Variants in PDS5A observed in about 807,000 individuals in gnomAD.
PDS5A encodes the protein sister chromatid cohesion protein PDS5 homolog A.
A neutral mutation model predicts 167.1 loss-of-function variants in PDS5A; 42 were observed. The observed-to-expected ratio is 0.25, with a 90% CI of 0.20 to 0.33. PDS5A has a LOEUF of 0.33. PDS5A is among the 10% of genes least tolerant of loss of function. The pLI is 1.00. For missense variants in PDS5A, 1,033 were observed against 1,605.9 expected (o/e 0.64, Z 6.10); for synonymous variants, 553 against 554.6 (o/e 1.00, Z 0.04).
intron 2 of PDS5A, among the ~76,000 whole-genome samples, chr4:39,962,676 A>C (rs948875137): frequency 5.9e-5 from 9 of 151,926 alleles, no homozygotes; most frequent in African/African-American, 2.2e-4. Flanking sequence ...TGGTGACACA[A>C]GCCTGTAATC....
At position 39,824,739 on chromosome 4, in the gene PDS5A, T is replaced by G. The variant is rs1715129691; in HGVS notation, c.*746A>C. 1 of 152,582 alleles carries G rather than the reference T, an allele frequency of 6.6e-6. No individual in the cohort carries two copies. Among genetic ancestry groups the G allele is most frequent in the African/African-American group, 2.4e-5 (1 of 41,446 alleles). The allele number at this position is 152,582 out of a possible 1,614,324, so 9.5% of individuals were successfully genotyped here. On this transcript the variant is annotated 3_prime_UTR_variant, in exon 33 of 33. Coordinates refer to ENST00000303538, the MANE Select transcript of PDS5A (RefSeq NM_001100399.2). ...ATGCTTTATGAAACAAACAACAATA[T>G]GTACATTTATTGCAAATTATATTAA...
rs1158287221 is a variant in PDS5A at position 39,829,950 on chromosome 4, C to CAAAAAAAAAAAAAA, written c.4011-4476_4011-4463dup. 5.1e-4 allele frequency among the ~76,000 whole-genome samples: 34 copies of CAAAAAAAAAAAAAA among 67,304 alleles called. 3 individuals carry two copies. Among genetic ancestry groups the CAAAAAAAAAAAAAA allele is most frequent in the African/African-American group, 2.1e-3 (25 of 11,920 alleles). 44.2% of individuals were successfully genotyped at this position (67,304 alleles called of 152,430 possible). On this transcript the variant is annotated intron_variant, in intron 32 of 32. Coordinates refer to ENST00000303538, the MANE Select transcript of PDS5A (RefSeq NM_001100399.2). Reference sequence around the variant, plus strand: ...TGGGCGACAGACTGAGACTCCAACTCAAAAAAAAAAAAAAAAAAAAAAAAA... The same window carrying CAAAAAAAAAAAAAA: ...TGGGCGACAGACTGAGACTCCAACTCAAAAAAAAAAAAAAAAAAAAAAAAAAAAAAAAAAAAAAA...
chr4:39,929,523 A>C lies in PDS5A; in HGVS notation c.139-1359T>G, dbSNP rs923975708. ...TGTGAGTTAATACTTAATAAACTATATATATATATATATATATATATATAT... is the reference window on the plus strand; with the variant it reads ...TGTGAGTTAATACTTAATAAACTATCTATATATATATATATATATATATAT... On this transcript the variant is annotated intron_variant, in intron 2 of 32. Transcript: ENST00000303538. Among the ~76,000 whole-genome samples, 123 of 35,126 alleles carry C rather than the reference A, an allele frequency of 3.5e-3. 3 individuals carry two copies. The highest frequency in any genetic ancestry group is 6.7e-3 in the African/African-American group (107 of 16,020). 23.0% of individuals were successfully genotyped at this position (35,126 alleles called of 152,430 possible).
At chr4:39,874,596 A>G (rs1324784336) in intron 19 of PDS5A, among the ~76,000 whole-genome samples, 184 bp from the exon 20 acceptor site, 2 of 152,214 alleles carry the variant, frequency 1.3e-5, no homozygotes, top group African/African-American at 4.8e-5. Context: ...ACCAAGAAAT[A>G]CAATGCCTCA....
chr4:39,860,689 A>C (rs1198862203), intron 26 of PDS5A, among the ~76,000 whole-genome samples: 1 of 152,226 alleles, frequency 6.6e-6, no homozygotes, highest in Non-Finnish European at 1.5e-5. Context: ...TTTTCAGCAA[A>C]ATGAACAGAA....
At chr4:39,885,681 G>T (rs901411143) in intron 17 of PDS5A, among the ~76,000 whole-genome samples, 2 of 151,958 alleles carry the variant, frequency 1.3e-5, no homozygotes, top group African/African-American at 4.8e-5. Flanking sequence ...TTTGGAGGCC[G>T]AAGTGGGTGG....
At chr4:39,882,470 T>A (rs1721013051) in intron 17 of PDS5A, among the ~76,000 whole-genome samples, 1 of 152,224 alleles carries the variant, frequency 6.6e-6, no homozygotes, top group African/African-American at 2.4e-5. Context: ...TTTGAGAAAA[T>A]AATTCCAAAT....
chr4:39,963,102 G>T (rs148802469), intron 2 of PDS5A, among the ~76,000 whole-genome samples: 6 of 151,174 alleles, frequency 4.0e-5, no homozygotes, highest in African/African-American at 1.5e-4. Context: ...GTGGATCACT[G>T]GAAGTCAGGA....
chr4:39,886,998 T>TA (rs1721534100), intron 17 of PDS5A, among the ~76,000 whole-genome samples: 1 of 152,156 alleles, frequency 6.6e-6, no homozygotes, highest in African/African-American at 2.4e-5. Context: ...TGAATTCATT[T>TA]ATCTGTTCAA....
intron 2 of PDS5A, among the ~76,000 whole-genome samples, chr4:39,957,619 A>C (rs1729052324): frequency 6.6e-6 from 1 of 151,860 alleles, no homozygotes; most frequent in African/African-American, 2.4e-5. Context: ...CCCCATCTCT[A>C]CTAAAAGTAC....
intron 26 of PDS5A, among the ~76,000 whole-genome samples, chr4:39,850,271 C>CAA (rs1553889621): frequency 2.1e-5 from 2 of 94,830 alleles, no homozygotes; most frequent in African/African-American, 3.8e-5. Flanking sequence ...GACTCTCTCT[C>CAA]AAAAAAAAAA....
chr4:39,943,495 C>A (rs1727424612), intron 2 of PDS5A, among the ~76,000 whole-genome samples: 1 of 151,660 alleles, frequency 6.6e-6, no homozygotes, highest in Admixed American at 6.6e-5. Flanking sequence ...TTTTAAAGAT[C>A]CATTCTGGCC....
chr4:39,933,989 C>T (rs552714577), intron 2 of PDS5A, among the ~76,000 whole-genome samples: 16 of 152,262 alleles, frequency 1.1e-4, no homozygotes, highest in African/African-American at 3.6e-4. Context: ...TGTGTGCGGG[C>T]AGGCACATAC....
At chr4:39,915,401 C>T (rs937973166) in intron 8 of PDS5A, among the ~76,000 whole-genome samples, 17 of 147,470 alleles carry the variant, frequency 1.2e-4, no homozygotes, top group African/African-American at 4.0e-4. Context: ...GCTCTATCAC[C>T]CAGGCTGGAG....
intron 27 of PDS5A, 57 bp from the exon 28 acceptor site, chr4:39,849,027 C>T (rs989976921): frequency 5.2e-5 from 61 of 1,166,224 alleles, no homozygotes; most frequent in Non-Finnish European, 7.3e-5. Context: ...ATCATAATTA[C>T]CAATTCCACT....
intron 23 of PDS5A, among the ~76,000 whole-genome samples, chr4:39,866,228 C>T (rs1362002762): frequency 6.6e-6 from 1 of 152,190 alleles, no homozygotes; most frequent in Non-Finnish European, 1.5e-5. Flanking sequence ...GATTCTCCTG[C>T]CTCAGCCTCC....
In PDS5A at chr4:39,874,333, C is replaced by T. The variant is rs375949176; in HGVS notation, c.2233G>A (p.Ala745Thr). The T allele has an allele frequency of 6.1e-5, 99 of 1,612,730 alleles. No homozygotes were observed. The highest frequency in any genetic ancestry group is 2.3e-5 in the Non-Finnish European group (27 of 1,178,990). ...TGGACTTCTTTATTTGTGAATATGG[C>T]GTGTATACAGTGCACAGCCTGTTTT... ...QAKQAVHCIH[A>T]IFTNKEVQLA... The change falls in exon 20 of 33, where the codon GCC becomes ACC. Residue 745 changes from alanine (A) to threonine (T), a missense_variant. Around this residue, in one of 4 missense-constraint regions of PDS5A, gnomAD observed 367 missense variants for 686.7 expected, o/e 0.53. Transcript: ENST00000303538.
Position 39,898,509 on chromosome 4 carries a change from C to G in PDS5A, c.1650G>C (p.Gly550=). ...MTIAKNLPDP[G]KAQDFVKKFN... ...ATTTCTTCACAAAATCTTGTGCTTT[C>G]CCGGGGTCAGGCAAATTCTCTATAA... Residue 550 remains glycine, a synonymous_variant, in exon 16 of 33, where the codon GGG becomes GGC. Transcript: ENST00000303538. The G allele has an allele frequency of 6.3e-7, 1 of 1,587,748 alleles. No homozygotes were observed. The highest frequency in any genetic ancestry group is 1.2e-5 in the South Asian group (1 of 84,876).
chr4:39,903,510 A>G (rs1723050575), intron 12 of PDS5A, among the ~76,000 whole-genome samples: 1 of 152,266 alleles, frequency 6.6e-6, no homozygotes, highest in Non-Finnish European at 1.5e-5. Context: ...ATATAGAATT[A>G]TAAGTAATAT....
Sources: gnomAD v4.1 joint callset for allele counts (sites outside exome capture counted in the v4.1 genomes callset) on GRCh38, gnomAD v4.1.1 for gene constraint, gnomAD v4.1.1 regional missense constraint, MANE v1.5 for transcripts, NCBI Gene and HGNC (gene_info 2026-07-23, HGNC 2026-07-21) for gene names.